Variants in ZNF385D observed in about 807,000 individuals in gnomAD.
ZNF385D encodes zinc finger protein 659.
In ZNF385D, 15 loss-of-function variants were observed where a neutral mutation model predicts 35.8. That is an observed-to-expected ratio of 0.42 (90% CI 0.28 to 0.64). The LOEUF (loss-of-function observed/expected upper bound fraction) is 0.64. ZNF385D is among the 30% of genes least tolerant of loss of function. ZNF385D has a pLI of 0.23. For synonymous variants in ZNF385D, 212 were observed against 186.8 expected (o/e 1.13, Z -1.10); for missense variants, 474 against 494.6 (o/e 0.96, Z 0.39).
chr3:21,748,201 G>A (rs554187894), intron 1 of ZNF385D, among the ~76,000 whole-genome samples: 1 of 152,264 alleles, frequency 6.6e-6, no homozygotes, highest in African/African-American at 2.4e-5. Flanking sequence ...TCATTAGAAA[G>A]CTCTATTATT....
intron 3 of ZNF385D, among the ~76,000 whole-genome samples, chr3:21,960,170 G>C (rs1383734774): frequency 2.3e-5 from 3 of 131,380 alleles, no homozygotes; most frequent in Non-Finnish European, 5.0e-5. Flanking sequence ...CTAATATCCA[G>C]AATATACAAG....
At chr3:22,322,677 A>G (rs560594456) in intron 2 of ZNF385D, among the ~76,000 whole-genome samples, 91 of 152,326 alleles carry the variant, frequency 6.0e-4, no homozygotes, top group Non-Finnish European at 8.4e-4. Context: ...CATTATTTAC[A>G]TAACATATGC....
intron 4 of ZNF385D, among the ~76,000 whole-genome samples, chr3:21,483,163 T>G (rs1704759506): frequency 6.6e-6 from 1 of 152,158 alleles, no homozygotes; most frequent in Admixed American, 6.6e-5. Context: ...ATAGCTTACC[T>G]CCAACCCTAA....
At chr3:22,249,335 T>TA (rs1699951154) in intron 2 of ZNF385D, among the ~76,000 whole-genome samples, 1 of 152,170 alleles carries the variant, frequency 6.6e-6, no homozygotes, top group South Asian at 2.1e-4. Flanking sequence ...GTCTTGATCA[T>TA]AGTAGGCACT....
At chr3:21,681,842 T>A (rs547185704) in intron 1 of ZNF385D, among the ~76,000 whole-genome samples, 1 of 151,994 alleles carries the variant, frequency 6.6e-6, no homozygotes, top group Non-Finnish European at 1.5e-5. Flanking sequence ...AAAGATTTCA[T>A]TGATTTACTG....
At chr3:22,078,324 A>G (rs1232066138) in intron 3 of ZNF385D, among the ~76,000 whole-genome samples, 2 of 152,080 alleles carry the variant, frequency 1.3e-5, no homozygotes, top group African/African-American at 2.4e-5. Context: ...GCATTGCAAT[A>G]TAACCAAGTA....
At chr3:22,063,149 T>G (rs1323743160) in intron 3 of ZNF385D, among the ~76,000 whole-genome samples, 1 of 152,234 alleles carries the variant, frequency 6.6e-6, no homozygotes, top group Admixed American at 6.5e-5. Context: ...TCAGCCAATA[T>G]GCCATTTTGG....
At chr3:22,294,684 A>G (rs7612198) in intron 2 of ZNF385D, among the ~76,000 whole-genome samples, 14,118 of 152,088 alleles carry the variant, frequency 0.093, 1,658 homozygotes, top group African/African-American at 0.28. Flanking sequence ...GTGTGCTACT[A>G]AATGTCTCTA....
Position 21,751,017 on chromosome 3 carries a change from T to A in ZNF385D, c.-101A>T. On this transcript the variant is annotated 5_prime_UTR_variant, in exon 1 of 8. Transcript: ENST00000281523. ...CCTTTCATGCTACATTCGGTGGAAA[T>A]GTCCCCGGCGTGGAGAGCAGTGAGC... The A allele has an allele frequency of 6.2e-7, 1 of 1,603,970 alleles. No homozygotes were observed. Among genetic ancestry groups the A allele is most frequent in the Non-Finnish European group, 8.5e-7 (1 of 1,175,220 alleles).
intron 3 of ZNF385D, among the ~76,000 whole-genome samples, chr3:21,894,818 C>G (rs538017307): frequency 6.6e-6 from 1 of 152,040 alleles, no homozygotes; most frequent in East Asian, 1.9e-4. Flanking sequence ...GTGTTACAAC[C>G]CTTTCAGAAG....
chr3:22,180,599 G>A lies in ZNF385D; in HGVS notation c.107-11564C>T, dbSNP rs554244826. Among the ~76,000 whole-genome samples the A allele has an allele frequency of 6.6e-5, 10 of 152,248 alleles. No homozygotes were observed. In the South Asian group the frequency reaches 2.1e-3, roughly 32 times the overall value. Reference sequence around the variant, plus strand: ...AAGCTTATCCACCATGATCAAGTGGGCTTCATCCCTGGGAGGCAAGGTTGG... The same window carrying A: ...AAGCTTATCCACCATGATCAAGTGGACTTCATCCCTGGGAGGCAAGGTTGG... On this transcript the variant is annotated intron_variant, in intron 2 of 5. Transcript: ENST00000494108.
intron 3 of ZNF385D, among the ~76,000 whole-genome samples, chr3:21,920,482 T>G (rs1294642583): frequency 6.6e-6 from 1 of 152,084 alleles, no homozygotes; most frequent in Non-Finnish European, 1.5e-5. Flanking sequence ...TTTTTAGGTT[T>G]GGGTTTCAAG....
At chr3:22,248,623 T>G (rs549232455) in intron 2 of ZNF385D, among the ~76,000 whole-genome samples, 6 of 152,162 alleles carry the variant, frequency 3.9e-5, no homozygotes, top group Non-Finnish European at 7.3e-5. Context: ...CTCTGTGATT[T>G]TGGCAAATTA....
intron 2 of ZNF385D, among the ~76,000 whole-genome samples, chr3:22,321,258 T>C (rs1345138469): frequency 1.3e-5 from 2 of 151,454 alleles, no homozygotes; most frequent in African/African-American, 2.4e-5. Context: ...ATTTTAAGTG[T>C]ATTCTGTGTA....
chr3:21,864,488 T>C (rs758714540), intron 3 of ZNF385D, among the ~76,000 whole-genome samples: 8 of 152,134 alleles, frequency 5.3e-5, no homozygotes, highest in Non-Finnish European at 1.2e-4. Context: ...CCTCAGTTTC[T>C]CTTTTAAATT....
intron 3 of ZNF385D, among the ~76,000 whole-genome samples, chr3:21,988,187 T>A (rs905011243): frequency 1.5e-5 from 2 of 130,884 alleles, no homozygotes; most frequent in African/African-American, 2.8e-5. Context: ...TCATTCTCCA[T>A]CCAGCTTTGT....
intron 3 of ZNF385D, among the ~76,000 whole-genome samples, chr3:22,047,104 C>A (rs1453167109): frequency 6.6e-6 from 1 of 152,148 alleles, no homozygotes; most frequent in African/African-American, 2.4e-5. Context: ...AGGCTTCTGA[C>A]ATTCTTGTTG....
intron 2 of ZNF385D, among the ~76,000 whole-genome samples, chr3:21,571,102 C>T (rs1003020315): frequency 1.3e-5 from 2 of 152,194 alleles, no homozygotes; most frequent in African/African-American, 4.8e-5. Flanking sequence ...CTCATATTTA[C>T]ACCATCCCAA....
chr3:21,914,090 G>C (rs1047478455), intron 3 of ZNF385D, among the ~76,000 whole-genome samples: 1 of 151,918 alleles, frequency 6.6e-6, no homozygotes, highest in African/African-American at 2.4e-5. Flanking sequence ...CCATTCACAG[G>C]GAGACACATG....
Sources: gnomAD v4.1 joint callset for allele counts (sites outside exome capture counted in the v4.1 genomes callset) on GRCh38, gnomAD v4.1.1 for gene constraint, MANE v1.5 for transcripts, NCBI Gene and HGNC (gene_info 2026-07-23, HGNC 2026-07-21) for gene names.